The following SAMSN1 variants were observed in gnomAD, a reference collection of about 807,000 sequenced individuals.
SAMSN1 encodes the protein SAM domain-containing protein SAMSN-1.
SAMSN1 carries 31 observed loss-of-function variants against 42.0 expected under a neutral mutation model. That is an observed-to-expected ratio of 0.74 (90% CI 0.55 to 1.00). The LOEUF (loss-of-function observed/expected upper bound fraction) is 1.00. SAMSN1 is among the 50% of genes least tolerant of loss of function. The probability of loss-of-function intolerance (pLI) is 0.00; values close to 1 mark genes in which losing one functional copy is unlikely to be tolerated. For synonymous variants in SAMSN1, 178 were observed against 151.9 expected (o/e 1.17, Z -1.26); for missense variants, 464 against 439.4 (o/e 1.06, Z -0.50).
At chr21:14,554,840 A>C (rs891656590) in intron 2 of SAMSN1, among the ~76,000 whole-genome samples, 1 of 151,952 alleles carries the variant, frequency 6.6e-6, no homozygotes, top group South Asian at 2.1e-4. Context: ...CTGGGATTAC[A>C]GACATGCACC....
At chr21:14,562,279 T>C (rs1231508597) in intron 2 of SAMSN1, among the ~76,000 whole-genome samples, 1 of 152,180 alleles carries the variant, frequency 6.6e-6, no homozygotes, top group Non-Finnish European at 1.5e-5. Context: ...ATTTTCAAAA[T>C]TTCTAAAGCT....
chr21:14,595,204 A>C (rs1417418844), intron 6 of SAMSN1, among the ~76,000 whole-genome samples: 1 of 152,134 alleles, frequency 6.6e-6, no homozygotes, highest in African/African-American at 2.4e-5. Context: ...GTTCAACAGG[A>C]GATTTGGGCA....
chr21:14,547,242 C>T (rs1980440487), upstream of SAMSN1, among the ~76,000 whole-genome samples: 1 of 152,042 alleles, frequency 6.6e-6, no homozygotes, highest in African/African-American at 2.4e-5. Context: ...AACAGAACCC[C>T]CAATTAACCA....
At chr21:14,607,665 C>T (rs944670361) in intron 5 of SAMSN1, among the ~76,000 whole-genome samples, 1 of 152,184 alleles carries the variant, frequency 6.6e-6, no homozygotes, top group African/African-American at 2.4e-5. Context: ...AGTAACTCAT[C>T]TAAGGTCAGG....
At chr21:14,523,723 G>C (rs1568786040) in intron 1 of SAMSN1, among the ~76,000 whole-genome samples, 1 of 152,092 alleles carries the variant, frequency 6.6e-6, no homozygotes, top group South Asian at 2.1e-4. Flanking sequence ...TGAGAGTAAG[G>C]GTGCGATTTC....
chr21:14,489,409 T>G (rs551601590), intron 7 of SAMSN1, among the ~76,000 whole-genome samples: 1 of 152,264 alleles, frequency 6.6e-6, no homozygotes, highest in South Asian at 2.1e-4. Flanking sequence ...CGCATATAAC[T>G]TACAAACAAA....
At chr21:14,533,905 A>G (rs981701606) in intron 1 of SAMSN1, among the ~76,000 whole-genome samples, 1 of 152,182 alleles carries the variant, frequency 6.6e-6, no homozygotes, top group Admixed American at 6.5e-5. Flanking sequence ...ATCTCACCTA[A>G]GAGAAGTCTG....
intron 2 of SAMSN1, among the ~76,000 whole-genome samples, chr21:14,616,603 C>G (rs557251206): frequency 6.6e-6 from 1 of 152,256 alleles, no homozygotes; most frequent in South Asian, 2.1e-4. Flanking sequence ...TTTTCACCAT[C>G]CTTGAAACAG....
chr21:14,506,612 A>G (rs902350982), intron 5 of SAMSN1, among the ~76,000 whole-genome samples: 4 of 152,188 alleles, frequency 2.6e-5, no homozygotes, highest in Admixed American at 1.3e-4. Flanking sequence ...TCTACCAGAC[A>G]TTCGAAGAAG....
At chr21:14,606,656 T>A (rs889739778) in intron 5 of SAMSN1, among the ~76,000 whole-genome samples, 1 of 152,224 alleles carries the variant, frequency 6.6e-6, no homozygotes, top group African/African-American at 2.4e-5. Flanking sequence ...ACACCTAAGC[T>A]ATGCCAATTT....
At chr21:14,556,078 G>A (rs578247517) in intron 2 of SAMSN1, among the ~76,000 whole-genome samples, 5 of 152,154 alleles carry the variant, frequency 3.3e-5, no homozygotes, top group Non-Finnish European at 7.3e-5. Context: ...AGATATATAT[G>A]AGCTTCCTTT....
Position 14,576,217 on chromosome 21 carries a change from G to T in SAMSN1, c.261+5919C>A, listed in dbSNP as rs146442760. Reference sequence around the variant, plus strand: ...GGGACATTATTAGATTTGAGCTTCAGGATCATTAATCAGGGTAGCATTTAT... The same window carrying T: ...GGGACATTATTAGATTTGAGCTTCATGATCATTAATCAGGGTAGCATTTAT... On this transcript the variant is annotated intron_variant, in intron 2 of 8. Coordinates refer to the SAMSN1 transcript ENST00000285670. 5.4e-3 allele frequency among the ~76,000 whole-genome samples: 823 copies of T among 152,186 alleles called. 10 individuals are homozygous for T. Among genetic ancestry groups the T allele is most frequent in the African/African-American group, 0.019 (802 of 41,504 alleles).
chr21:14,604,857 TCTTCC>T (rs1251242276), intron 5 of SAMSN1, among the ~76,000 whole-genome samples: 1 of 152,232 alleles, frequency 6.6e-6, no homozygotes, highest in Non-Finnish European at 1.5e-5. Context: ...GTCATTCAAG[TCTTCC>T]CAAATGAAGC....
At chr21:14,607,922 A>G (rs116023633) in intron 5 of SAMSN1, among the ~76,000 whole-genome samples, 16 of 152,366 alleles carry the variant, frequency 1.1e-4, no homozygotes, top group African/African-American at 3.8e-4. Flanking sequence ...AGATAAATGG[A>G]ATGGCGGATG....
At chr21:14,494,848 C>G (rs190842629) in intron 7 of SAMSN1, among the ~76,000 whole-genome samples, 2 of 152,142 alleles carry the variant, frequency 1.3e-5, no homozygotes, top group African/African-American at 2.4e-5. Flanking sequence ...TGTTTTGTAC[C>G]CCATCCTCTT....
chr21:14,504,332 G>A lies in SAMSN1; in HGVS notation c.562-3597C>T, dbSNP rs535008933. Among the ~76,000 whole-genome samples the A allele has an allele frequency of 9.2e-5, 14 of 152,218 alleles. No homozygotes were observed. In the East Asian group the frequency reaches 1.2e-3, roughly 13 times the overall value. ...AGGAGGCACCAGAGAAAGGTGAAGC[G>A]CAAGGTAAGGAAATCCAAAAAACGA... On this transcript the variant is annotated intron_variant, in intron 5 of 7. Transcript: ENST00000400566.
At chr21:14,507,020 T>C (rs1987442730) in intron 5 of SAMSN1, among the ~76,000 whole-genome samples, 1 of 152,010 alleles carries the variant, frequency 6.6e-6, no homozygotes, top group African/African-American at 2.4e-5. Flanking sequence ...CTCAGCAAAA[T>C]AGGCATACAA....
At chr21:14,507,311 A>G (rs1471589754) in intron 5 of SAMSN1, among the ~76,000 whole-genome samples, 1 of 152,254 alleles carries the variant, frequency 6.6e-6, no homozygotes, top group Non-Finnish European at 1.5e-5. Flanking sequence ...TCTTCCAGGA[A>G]GCTCCTAGAA....
intron 2 of SAMSN1, among the ~76,000 whole-genome samples, chr21:14,565,303 A>C (rs915985690): frequency 1.3e-5 from 2 of 151,064 alleles, no homozygotes; most frequent in Non-Finnish European, 3.0e-5. Context: ...AAAAAAAAAA[A>C]CATGTTTTGG....
Sources: allele counts gnomAD v4.1 joint callset (sites outside exome capture counted in the v4.1 genomes callset), GRCh38; gene constraint gnomAD v4.1.1; transcripts MANE v1.5; gene names NCBI Gene and HGNC (gene_info 2026-07-23, HGNC 2026-07-21).